PKHD1: variants seen among roughly 807,000 people sequenced by gnomAD.
PKHD1 encodes the protein PKHD1 ciliary IPT domain containing fibrocystin/polyductin, also known as fibrocystin.
A neutral mutation model predicts 412.0 loss-of-function variants in PKHD1; 291 were observed. The ratio of observed to expected loss-of-function variants is 0.71; its 90% confidence interval spans 0.64 to 0.78. PKHD1 has a LOEUF of 0.78. Among genes scored for constraint, PKHD1 ranks in the 30% least tolerant of loss-of-function variants. The pLI is 0.00. For synonymous variants in PKHD1, 1,777 were observed against 1,821.5 expected (o/e 0.98, Z 0.62); for missense variants, 4,825 against 4,950.7 (o/e 0.97, Z 0.76).
chr6:51,693,395 C>T (rs1478014430), intron 60 of PKHD1, among the ~76,000 whole-genome samples: 3 of 152,168 alleles, frequency 2.0e-5, no homozygotes, highest in Non-Finnish European at 4.4e-5. Flanking sequence ...TATACAGGCA[C>T]GTTTATACAA....
At chr6:51,680,014 T>A (rs543904504) in intron 60 of PKHD1, among the ~76,000 whole-genome samples, 1 of 152,100 alleles carries the variant, frequency 6.6e-6, no homozygotes, top group African/African-American at 2.4e-5. Context: ...CCTCATTGCA[T>A]CTCAGTTTTC....
rs767017869 is a variant in PKHD1 at position 52,025,827 on chromosome 6, A to G, written c.3983T>C (p.Val1328Ala). ...ACAGTTCAGGTTCCCCAGAAGGATG[A>G]CTGAGTTGGAGAGGTTACTTCCTCC... ...HVGGSNLSNS[V>A]ILLGNLNCDV... The change falls in exon 32 of 67, where the codon GTC becomes GCC. Residue 1328 changes from valine (V) to alanine (A), a missense_variant. Physicochemically the swap from Val to Ala is moderately conservative, Grantham distance 64. Transcript: ENST00000371117. The G allele has an allele frequency of 3.1e-6, 5 of 1,614,038 alleles. No individual in the cohort carries two copies. The Admixed American group carries it at 6.7e-5, about 22-fold the overall frequency.
chr6:51,671,503 G>A (rs1335172646), intron 60 of PKHD1, among the ~76,000 whole-genome samples: 75 of 152,012 alleles, frequency 4.9e-4, no homozygotes, highest in Non-Finnish European at 8.5e-4. Context: ...ATTTCCTCCC[G>A]TAGCTTGGAG....
intron 50 of PKHD1, among the ~76,000 whole-genome samples, chr6:51,846,016 G>T (rs1034610205): frequency 6.6e-6 from 1 of 152,122 alleles, no homozygotes; most frequent in Non-Finnish European, 1.5e-5. Context: ...AAAGTTAATG[G>T]TAACTATTTA....
chr6:52,017,925 T>C (rs1255576145), intron 33 of PKHD1, among the ~76,000 whole-genome samples: 1 of 152,218 alleles, frequency 6.6e-6, no homozygotes, highest in Non-Finnish European at 1.5e-5. Context: ...GTTCGTCCCT[T>C]TCCTCCTCAT....
intron 50 of PKHD1, among the ~76,000 whole-genome samples, chr6:51,842,726 C>T (rs923573177): frequency 2.0e-5 from 3 of 152,192 alleles, no homozygotes; most frequent in African/African-American, 4.8e-5. Flanking sequence ...TGGCCACCCC[C>T]CTACAAGTGG....
intron 37 of PKHD1, among the ~76,000 whole-genome samples, chr6:51,918,527 T>A (rs535056428): frequency 6.6e-6 from 1 of 152,336 alleles, no homozygotes; most frequent in East Asian, 1.9e-4. Flanking sequence ...CATGAACTCA[T>A]CCTTTTTTAT....
chr6:52,016,363 C>T (rs975378913), intron 34 of PKHD1, among the ~76,000 whole-genome samples: 7 of 152,038 alleles, frequency 4.6e-5, no homozygotes, highest in East Asian at 1.9e-4. Flanking sequence ...AGGCGGGGCA[C>T]GGTGGCTCAT....
At chr6:51,815,978 A>G (rs1765395223) in intron 52 of PKHD1, among the ~76,000 whole-genome samples, 1 of 152,196 alleles carries the variant, frequency 6.6e-6, no homozygotes, top group Non-Finnish European at 1.5e-5. Context: ...TTTTACTAAT[A>G]TGTCTTTAAA....
intron 37 of PKHD1, among the ~76,000 whole-genome samples, chr6:51,915,903 G>A (rs1023052240): frequency 2.6e-5 from 4 of 152,046 alleles, no homozygotes; most frequent in African/African-American, 9.7e-5. Context: ...TGCTAAAAAG[G>A]GGAGAAGGTT....
At chr6:52,077,589 C>T (rs1426978038) in intron 5 of PKHD1, among the ~76,000 whole-genome samples, 5 of 152,198 alleles carry the variant, frequency 3.3e-5, no homozygotes, top group African/African-American at 1.2e-4. Flanking sequence ...TAATCAACAG[C>T]CTTAATCAGA....
intron 55 of PKHD1, among the ~76,000 whole-genome samples, chr6:51,755,879 A>G (rs1786915711): frequency 6.6e-6 from 1 of 151,866 alleles, no homozygotes; most frequent in South Asian, 2.1e-4. Context: ...TAAATAAAAC[A>G]TATGTCATTT....
At chr6:51,911,134 G>A (rs1782880527) in intron 39 of PKHD1, among the ~76,000 whole-genome samples, 1 of 152,120 alleles carries the variant, frequency 6.6e-6, no homozygotes, top group South Asian at 2.1e-4. Flanking sequence ...ATGCCTGGAA[G>A]TCATCCTTGA....
rs776386120 is a variant in PKHD1, at chr6:52,065,057, C to T, written c.881-7G>A. 6.7e-6 allele frequency: 10 copies of T among 1,492,214 alleles called. No homozygotes were observed. Among genetic ancestry groups the T allele is most frequent in the South Asian group, 1.1e-5 (1 of 88,676 alleles). The allele number at this position is 1,492,214 out of a possible 1,614,324, so 92.4% of individuals were successfully genotyped here. ...CTAATATCACATGGAATGCCTAAAG[C>T]GAATTAAAGAAATTTATGTATGTGT... On this transcript the variant is annotated splice_region_variant and splice_polypyrimidine_tract_variant and intron_variant, in intron 12 of 66. Transcript: ENST00000371117.
chr6:51,900,574 G>A (rs968286880), intron 43 of PKHD1, among the ~76,000 whole-genome samples: 4 of 152,160 alleles, frequency 2.6e-5, no homozygotes, highest in Admixed American at 2.0e-4. Context: ...AACCCTAGAA[G>A]AAAACCTAGG....
At chr6:51,843,949 A>G (rs1770690138) in intron 50 of PKHD1, among the ~76,000 whole-genome samples, 5 of 152,224 alleles carry the variant, frequency 3.3e-5, no homozygotes, top group African/African-American at 1.2e-4. Context: ...TATATCATAT[A>G]TGTCATATTA....
rs1019737618 is a variant in PKHD1 at position 51,981,357 on chromosome 6, C to A, written c.5752-21331G>T. ...TCCCTCTCCCTCTCCCTCTCCCTCT[C>A]CCTCTCCCTCTCCCTCCACGGTCTC... On this transcript the variant is annotated intron_variant, in intron 35 of 66. Coordinates refer to ENST00000371117, the MANE Select transcript of PKHD1 (RefSeq NM_138694.4). Among the ~76,000 whole-genome samples, 103 of 116,060 alleles carry A rather than the reference C, an allele frequency of 8.9e-4. 1 individual carries two copies. The highest frequency in any genetic ancestry group is 3.1e-3 in the African/African-American group (101 of 32,522). The allele number at this position is 116,060 out of a possible 152,430, so 76.1% of individuals were successfully genotyped here. A position where few individuals can be genotyped will look rare whatever the true frequency, so the allele number is the denominator to read the frequency against.
chr6:51,748,247 C>G lies in PKHD1; in HGVS notation c.9369G>C (p.Ala3123=). The stretch of plus-strand genomic sequence containing the variant: ...GATGAAGGCCATGAAGACTTGAATG[C>G]GCCACATTGTCAGACCAAAGCAGTT... ...SCELLWSDNV[A]HSSLHGLHLY... Residue 3123 remains alanine, a synonymous_variant, in exon 58 of 67, where the codon GCG becomes GCC. Coordinates refer to ENST00000371117, the MANE Select transcript of PKHD1 (RefSeq NM_138694.4). The G allele has an allele frequency of 6.2e-7, 1 of 1,614,014 alleles. No individual in the cohort carries two copies. The highest frequency in any genetic ancestry group is 2.2e-5 in the East Asian group (1 of 44,872).
intron 49 of PKHD1, among the ~76,000 whole-genome samples, chr6:51,854,157 G>A (rs1187186998): frequency 6.6e-6 from 1 of 151,898 alleles, no homozygotes; most frequent in Non-Finnish European, 1.5e-5. Flanking sequence ...GTCGCTTTCT[G>A]CTTGTTTGTT....
Sources: gnomAD v4.1 joint callset for allele counts (sites outside exome capture counted in the v4.1 genomes callset) on GRCh38, gnomAD v4.1.1 for gene constraint, MANE v1.5 for transcripts, NCBI Gene and HGNC (gene_info 2026-07-23, HGNC 2026-07-21) for gene names.